The following COL21A1 variants were observed in gnomAD, a reference collection of about 807,000 sequenced individuals.
COL21A1 encodes collagen type XXI alpha 1 chain.
A neutral mutation model predicts 137.9 loss-of-function variants in COL21A1; 149 were observed. The ratio of observed to expected loss-of-function variants is 1.08; its 90% CI spans 0.95 to 1.24. The LOEUF is 1.24. Among genes scored for constraint, COL21A1 ranks in the 50% most tolerant of loss-of-function variants. The pLI, the probability that COL21A1 is intolerant of heterozygous loss-of-function variation, is 0.00. For missense variants in COL21A1, 1,167 were observed against 1,158.4 expected, an observed-to-expected ratio of 1.01 and a Z score of -0.11; for synonymous variants, 456 against 391.5, an observed-to-expected ratio of 1.16 and a Z score of -1.95.
At chr6:56,157,493 T>G (rs1057253292) in intron 9 of COL21A1, among the ~76,000 whole-genome samples, 39 of 151,998 alleles carry the variant, frequency 2.6e-4, no homozygotes, top group African/African-American at 8.9e-4. Context: ...ATATTTTTAG[T>G]AGAGATGGGG....
intron 17 of COL21A1, among the ~76,000 whole-genome samples, chr6:56,087,986 T>A (rs1768417509): frequency 6.6e-6 from 1 of 152,212 alleles, no homozygotes; most frequent in Admixed American, 6.5e-5. Flanking sequence ...TTTGCTGACA[T>A]TAAATTCTCC....
chr6:56,228,002 A>C (rs1362186550), intron 1 of COL21A1, among the ~76,000 whole-genome samples: 1 of 151,998 alleles, frequency 6.6e-6, no homozygotes, highest in East Asian at 1.9e-4. Context: ...AAATCACTAA[A>C]GAACAAGATG....
intron 1 of COL21A1, among the ~76,000 whole-genome samples, chr6:56,363,488 G>C (rs549201114): frequency 3.9e-5 from 6 of 152,294 alleles, no homozygotes; most frequent in Admixed American, 1.3e-4. Context: ...TCATTTAGGT[G>C]GTCCTGTTGT....
At chr6:56,274,060 T>G (rs967938749) in intron 1 of COL21A1, among the ~76,000 whole-genome samples, 1 of 152,166 alleles carries the variant, frequency 6.6e-6, no homozygotes, top group Non-Finnish European at 1.5e-5. Flanking sequence ...ATTCTTGGGA[T>G]GCAAGGCTGA....
intron 1 of COL21A1, among the ~76,000 whole-genome samples, chr6:56,244,088 C>A (rs1297231278): frequency 6.6e-6 from 1 of 152,078 alleles, no homozygotes. Flanking sequence ...CACTATGGAA[C>A]AAAGAGGGCC....
At chr6:56,270,098 C>T (rs943566454) in intron 1 of COL21A1, among the ~76,000 whole-genome samples, 6 of 152,110 alleles carry the variant, frequency 3.9e-5, no homozygotes, top group Admixed American at 3.3e-4. Context: ...CCTTAATGTC[C>T]CTGCCCCACT....
At position 56,057,826 on chromosome 6, in the gene COL21A1, C is replaced by T; in HGVS notation, c.2705G>A (p.Gly902Glu). ...PGPPGPEGPP[G>E]ISKEGPPGDP... ...TCCTGGAGGACCTTCTTTGCTTATTCCAGGAGGGCCCTCTGGACCTAAGAT... is the reference window on the plus strand; with the variant it reads ...TCCTGGAGGACCTTCTTTGCTTATTTCAGGAGGGCCCTCTGGACCTAAGAT... The change falls in exon 30 of 30, where the codon GGA becomes GAA. Residue 902 changes from glycine to glutamate, a missense_variant. Gly to Glu is a moderately conservative substitution (Grantham distance 98). Coordinates refer to ENST00000244728, the MANE Select transcript of COL21A1 (RefSeq NM_030820.4). 6.4e-7 allele frequency: 1 copy of T among 1,566,212 alleles called. No homozygotes were observed. The highest frequency in any genetic ancestry group is 8.6e-7 in the Non-Finnish European group (1 of 1,160,626).
At chr6:56,310,772 A>G (rs1049065214) in intron 1 of COL21A1, among the ~76,000 whole-genome samples, 19 of 152,020 alleles carry the variant, frequency 1.2e-4, no homozygotes, top group African/African-American at 3.9e-4. Context: ...ATGAAGAAAT[A>G]CATATTAATA....
At chr6:56,219,192 C>A (rs1175573983) in intron 1 of COL21A1, among the ~76,000 whole-genome samples, 1 of 135,684 alleles carries the variant, frequency 7.4e-6, no homozygotes, top group Non-Finnish European at 1.5e-5. Flanking sequence ...AGCTCCAAAG[C>A]ACTTCCCAAA....
intron 1 of COL21A1, among the ~76,000 whole-genome samples, chr6:56,258,240 TTTA>T (rs1241704318): frequency 6.6e-6 from 1 of 152,190 alleles, no homozygotes; most frequent in Non-Finnish European, 1.5e-5. Context: ...GAGCTAATAA[TTTA>T]TTTATTTTCA....
At chr6:56,070,035 T>G (rs892308063) in intron 21 of COL21A1, among the ~76,000 whole-genome samples, 3 of 151,538 alleles carry the variant, frequency 2.0e-5, no homozygotes, top group African/African-American at 7.3e-5. Flanking sequence ...AAGTTTTTTG[T>G]TTTAAAGTCT....
At chr6:56,344,164 A>C (rs1178515456) in intron 1 of COL21A1, among the ~76,000 whole-genome samples, 1 of 152,196 alleles carries the variant, frequency 6.6e-6, no homozygotes, top group Non-Finnish European at 1.5e-5. Flanking sequence ...TTTTCCTATA[A>C]TCGCTAACAT....
At position 56,216,986 on chromosome 6, in the gene COL21A1, A is replaced by G. The variant is rs565634708; in HGVS notation, c.-39+30401T>C. On this transcript the variant is annotated intron_variant, in intron 1 of 29. Transcript: ENST00000244728. ...TACAAGTATTTTCTGTATTAAGCAA[A>G]CACATTCAGTTGTGCACATATTCTT... Among the ~76,000 whole-genome samples, 103 of 152,098 alleles carry G rather than the reference A, an allele frequency of 6.8e-4. 1 individual carries two copies. Among genetic ancestry groups the G allele is most frequent in the Non-Finnish European group, 1.0e-3 (68 of 68,000 alleles).
chr6:56,275,681 T>C (rs1445624709), intron 1 of COL21A1, among the ~76,000 whole-genome samples: 1 of 151,906 alleles, frequency 6.6e-6, no homozygotes, highest in Admixed American at 6.6e-5. Context: ...AGATACCATC[T>C]CACACCAGTC....
chr6:56,183,967 TAA>T (rs1218422629), intron 1 of COL21A1, among the ~76,000 whole-genome samples: 8 of 152,004 alleles, frequency 5.3e-5, no homozygotes, highest in Non-Finnish European at 1.0e-4. Context: ...AACTTGAGGA[TAA>T]GTCAATAGAA....
chr6:56,219,796 A>T (rs986119284), intron 1 of COL21A1, among the ~76,000 whole-genome samples: 1 of 152,078 alleles, frequency 6.6e-6, no homozygotes, highest in African/African-American at 2.4e-5. Flanking sequence ...ATTTTTGCCC[A>T]TCTATCCACT....
At chr6:56,290,831 A>G (rs563293800) in intron 1 of COL21A1, among the ~76,000 whole-genome samples, 2 of 152,264 alleles carry the variant, frequency 1.3e-5, no homozygotes, top group Admixed American at 6.5e-5. Context: ...TGACAACCCA[A>G]TGCTTAGGCA....
At position 56,060,774 on chromosome 6, in the gene COL21A1, A is replaced by G; in HGVS notation, c.2374T>C (p.Phe792Leu). ...ACATCTGTGCAAACTTGTCGAATAA[A>G]TTGTTCTGAAAACTCTCTTCCCTGC... is the stretch of plus-strand genomic sequence containing the variant. ...GKPGREFSEQ[F>L]IRQVCTDVIR... Residue 792 changes from phenylalanine (F) to leucine (L), a missense_variant, in exon 27 of 30, where the codon TTT (phenylalanine) becomes CTT (leucine). By Grantham distance (22) the Phe-to-Leu change is conservative (BLOSUM62 0). Transcript: ENST00000244728. 1 of 1,610,352 alleles carries G rather than the reference A, an allele frequency of 6.2e-7. No homozygotes were observed. Among genetic ancestry groups the G allele is most frequent in the Non-Finnish European group, 8.5e-7 (1 of 1,178,982 alleles).
At chr6:56,338,673 T>C (rs1765392426) in intron 1 of COL21A1, among the ~76,000 whole-genome samples, 1 of 152,206 alleles carries the variant, frequency 6.6e-6, no homozygotes, top group African/African-American at 2.4e-5. Context: ...AGCAGTTGTA[T>C]AACAGGCCAG....
Sources: allele counts gnomAD v4.1 joint callset (sites outside exome capture counted in the v4.1 genomes callset), GRCh38; gene constraint gnomAD v4.1.1; transcripts MANE v1.5; gene names NCBI Gene and HGNC (gene_info 2026-07-23, HGNC 2026-07-21).